The following C6orf132 variants were observed in gnomAD, a reference collection of about 807,000 sequenced individuals.
C6orf132 encodes uncharacterized protein C6orf132.
A neutral mutation model predicts 65.3 loss-of-function variants in C6orf132; 43 were observed. The ratio of observed to expected loss-of-function variants is 0.66; its 90% CI spans 0.52 to 0.85. The LOEUF is 0.85. Ranked by LOEUF, C6orf132 falls within the 40% of genes least tolerant of loss-of-function variation. The pLI is 0.00. For synonymous variants in C6orf132, 631 were observed against 654.1 expected (o/e 0.96, Z 0.54); for missense variants, 1,488 against 1,548.8 (o/e 0.96, Z 0.66).
intron 1 of C6orf132, among the ~76,000 whole-genome samples, chr6:42,136,592 G>A (rs774138130): frequency 2.6e-5 from 4 of 152,280 alleles, no homozygotes; most frequent in South Asian, 2.1e-4. Flanking sequence ...TCCAATCATC[G>A]GCCACTAGGG....
Position 42,106,505 on chromosome 6 carries a change from C to T in C6orf132, c.1407G>A (p.Lys469=). The change falls in exon 4 of 5, where the codon AAG becomes AAA. Residue 469 remains lysine (K), a synonymous_variant. Transcript: ENST00000341865. ...GATAGGCTGCCAGCTCGTTCCGCAG[C>T]TTTTCCATCTGGCTGGGGTCCCTCC... ...VDWRDPSQME[K]LRNELAAYLC... 6.5e-7 allele frequency: 1 copy of T among 1,535,992 alleles called. No homozygotes were observed. The highest frequency in any genetic ancestry group is 1.7e-4 in the Middle Eastern group (1 of 5,990).
intron 3 of C6orf132, 108 bp downstream of exon 3, chr6:42,110,108 A>T: frequency 1.2e-6 from 1 of 851,438 alleles, no homozygotes; most frequent in Non-Finnish European, 1.8e-6. Context: ...GTGCCTGAGG[A>T]CTCTGGCTTT....
intron 2 of C6orf132, among the ~76,000 whole-genome samples, chr6:42,120,298 G>C (rs1299625542): frequency 6.7e-6 from 1 of 149,584 alleles, no homozygotes; most frequent in African/African-American, 2.5e-5. Context: ...CCAGGCTGGA[G>C]TGCAGTGGCG....
At chr6:42,108,867 C>T (rs116618466) in intron 3 of C6orf132, among the ~76,000 whole-genome samples, 2,251 of 152,248 alleles carry the variant, frequency 0.015, 16 homozygotes, top group Middle Eastern at 0.061. Context: ...AAGGGCTCCT[C>T]CCAGCTGCCT....
Position 42,103,762 on chromosome 6 carries a change from CAGG to C in C6orf132, c.3563_3565del (p.Ser1188del). 7.1e-7 allele frequency: 1 copy of C among 1,406,226 alleles called. No individual in the cohort carries two copies. The highest frequency in any genetic ancestry group is 9.3e-7 in the Non-Finnish European group (1 of 1,078,326). 87.1% of individuals were successfully genotyped at this position (1,406,226 alleles called of 1,614,324 possible). A position where few individuals can be genotyped will look rare whatever the true frequency, so the allele number is the denominator to read the frequency against. ...AGTAGAGCTAAGAGAACCCCTGGCT[CAGG>C]AGGTGGCTTTCCGATGGGCCCCTGA... On this transcript the variant is annotated inframe_deletion, in exon 5 of 5. Coordinates refer to ENST00000341865, the MANE Select transcript of C6orf132 (RefSeq NM_001164446.3).
chr6:42,137,021 A>C (rs977897784), intron 1 of C6orf132, among the ~76,000 whole-genome samples: 1 of 152,182 alleles, frequency 6.6e-6, no homozygotes, highest in Admixed American at 6.5e-5. Flanking sequence ...TTCATCCCGA[A>C]ACTACCGAAA....
chr6:42,109,468 A>G (rs917862941), intron 3 of C6orf132, among the ~76,000 whole-genome samples: 8 of 152,102 alleles, frequency 5.3e-5, no homozygotes, highest in Non-Finnish European at 1.2e-4. Context: ...GCAGTCTGAG[A>G]AGGCCTCGCA....
intron 2 of C6orf132, among the ~76,000 whole-genome samples, chr6:42,113,759 T>C (rs1766525170): frequency 6.6e-6 from 1 of 151,660 alleles, no homozygotes. Context: ...GAGGTTGCAG[T>C]GACCTGAGAT....
chr6:42,133,106 C>T (rs1766879316), intron 1 of C6orf132, among the ~76,000 whole-genome samples: 1 of 152,150 alleles, frequency 6.6e-6, no homozygotes, highest in Non-Finnish European at 1.5e-5. Flanking sequence ...GGGGAATTTC[C>T]TATTGGAAGT....
At chr6:42,137,780 T>A (rs1766966860) in intron 1 of C6orf132, among the ~76,000 whole-genome samples, 1 of 141,926 alleles carries the variant, frequency 7.0e-6, no homozygotes. Context: ...GGCTCACGCC[T>A]GTAAATCCCA....
chr6:42,132,844 G>A (rs1407177599), intron 1 of C6orf132, among the ~76,000 whole-genome samples: 17 of 138,962 alleles, frequency 1.2e-4, no homozygotes, highest in Non-Finnish European at 2.3e-4. Context: ...GTGACAGAGT[G>A]AGACTCTGTC....
At chr6:42,132,474 C>T (rs1766869186) in intron 1 of C6orf132, among the ~76,000 whole-genome samples, 1 of 151,480 alleles carries the variant, frequency 6.6e-6, no homozygotes, top group African/African-American at 2.4e-5. Context: ...AAGATTGCGC[C>T]ACTGCACTTC....
In C6orf132 at chr6:42,107,387, GGGAGGTGGTGGGGGTGC is replaced by G; in HGVS notation, c.508_524del (p.Ala170ProfsTer38). 1 of 1,046,558 alleles carries G rather than the reference GGGAGGTGGTGGGGGTGC, an allele frequency of 9.6e-7. No homozygotes were observed. 64.8% of individuals were successfully genotyped at this position (1,046,558 alleles called of 1,614,324 possible). A position where few individuals can be genotyped will look rare whatever the true frequency, so the allele number is the denominator to read the frequency against. Reference sequence around the variant, plus strand: ...GCGGGGGTGGGGGTTCCAGCAGCAGGGGAGGTGGTGGGGGTGCTGTGGAAGGTGGAGATGGCAGTGGC... The same window carrying G: ...GCGGGGGTGGGGGTTCCAGCAGCAGGTGTGGAAGGTGGAGATGGCAGTGGC... On this transcript the variant is annotated frameshift_variant, in exon 4 of 5. Transcript: ENST00000341865. LOFTEE classifies it high-confidence loss of function.
At chr6:42,129,088 C>A (rs1200155997) in intron 1 of C6orf132, among the ~76,000 whole-genome samples, 1 of 152,202 alleles carries the variant, frequency 6.6e-6, no homozygotes, top group Non-Finnish European at 1.5e-5. Context: ...AGCAATGGTC[C>A]CTCGTTTTTG....
chr6:42,117,519 G>C (rs1179230836), intron 2 of C6orf132, among the ~76,000 whole-genome samples: 1 of 152,144 alleles, frequency 6.6e-6, no homozygotes, highest in African/African-American at 2.4e-5. Flanking sequence ...CAGTCTACTT[G>C]AGGGCTCGGT....
Position 42,106,084 on chromosome 6 carries a change from G to A in C6orf132, c.1828C>T (p.Leu610Phe), listed in dbSNP as rs1476479477. The A allele has an allele frequency of 1.3e-6, 2 of 1,537,154 alleles. No individual in the cohort carries two copies. The highest frequency in any genetic ancestry group is 1.7e-6 in the Non-Finnish European group (2 of 1,146,916). ...AGATTCTTGGCCACAGGCTTGGAGAGTTTGTCATCATCAGCCCCGTTTTCA... is the reference window on the plus strand; with the variant it reads ...AGATTCTTGGCCACAGGCTTGGAGAATTTGTCATCATCAGCCCCGTTTTCA... Reference protein sequence around the residue: ...ICENGADDDKLSKPVAKNLPP... With the variant: ...ICENGADDDKFSKPVAKNLPP... Residue 610 changes from leucine to phenylalanine, a missense_variant, in exon 4 of 5, where the codon CTC (leucine) becomes TTC (phenylalanine). Transcript: ENST00000341865.
At chr6:42,134,635 G>A (rs1019039257) in intron 1 of C6orf132, among the ~76,000 whole-genome samples, 6 of 152,232 alleles carry the variant, frequency 3.9e-5, no homozygotes, top group East Asian at 3.9e-4. Context: ...TTAGCTGGGC[G>A]TGGTGGTGGG....
In C6orf132 at chr6:42,105,199, CCTT is replaced by C; in HGVS notation, c.2710_2712del (p.Lys904del). 7.8e-6 allele frequency: 12 copies of C among 1,537,188 alleles called. No individual in the cohort carries two copies. Among genetic ancestry groups the C allele is most frequent in the Non-Finnish European group, 1.0e-5 (12 of 1,146,900 alleles). On this transcript the variant is annotated inframe_deletion, in exon 4 of 5. Coordinates refer to ENST00000341865, the MANE Select transcript of C6orf132 (RefSeq NM_001164446.3). ...GGTATTTCGGTCGTCAGCGGGGAGT[CCTT>C]CTCAGCCTCCTTGGGTAACTTGGGC...
chr6:42,115,934 CTT>C (rs67542628), intron 2 of C6orf132, among the ~76,000 whole-genome samples: 2 of 106,360 alleles, frequency 1.9e-5, no homozygotes, highest in Non-Finnish European at 3.8e-5. Flanking sequence ...TTTTCTTTTT[CTT>C]TTTTTTTTTT....
Sources: gnomAD v4.1 joint callset for allele counts (sites outside exome capture counted in the v4.1 genomes callset) on GRCh38, gnomAD v4.1.1 for gene constraint, MANE v1.5 for transcripts, NCBI Gene and HGNC (gene_info 2026-07-23, HGNC 2026-07-21) for gene names.